PLD5: variants seen among roughly 807,000 people sequenced by gnomAD.
PLD5 encodes the protein inactive phospholipase D5.
A neutral mutation model predicts 61.1 loss-of-function variants in PLD5; 36 were observed. That is an observed-to-expected ratio of 0.59 (90% CI 0.45 to 0.78). PLD5 has a LOEUF of 0.78. Among genes scored for constraint, PLD5 ranks in the 30% least tolerant of loss-of-function variants. The pLI is 0.00. For synonymous variants in PLD5, 243 were observed against 242.8 expected, an observed-to-expected ratio of 1.00 and a Z score of -0.01; for missense variants, 515 against 644.4, an observed-to-expected ratio of 0.80 and a Z score of 2.17.
intron 4 of PLD5, among the ~76,000 whole-genome samples, chr1:242,221,933 C>T (rs1670616094): frequency 6.6e-6 from 1 of 152,176 alleles, no homozygotes; most frequent in Non-Finnish European, 1.5e-5. Context: ...TGACTTAAAA[C>T]AGCAGAAACT....
intron 1 of PLD5, among the ~76,000 whole-genome samples, chr1:242,508,320 C>T (rs1228544560): frequency 6.6e-6 from 1 of 151,912 alleles, no homozygotes; most frequent in Non-Finnish European, 1.5e-5. Context: ...CTGCAGTGAG[C>T]TGAGATCGTG....
At chr1:242,293,864 G>C (rs150233386) in intron 2 of PLD5, among the ~76,000 whole-genome samples, 130 of 152,248 alleles carry the variant, frequency 8.5e-4, no homozygotes, top group African/African-American at 3.0e-3. Context: ...TCTTATGCTA[G>C]AAAAGGTCTC....
chr1:242,261,626 T>C (rs1203239844), intron 4 of PLD5, among the ~76,000 whole-genome samples: 2 of 152,152 alleles, frequency 1.3e-5, no homozygotes, highest in Non-Finnish European at 2.9e-5. Flanking sequence ...AAATCTAGCC[T>C]AATAATCAAT....
At chr1:242,280,528 C>A (rs1166150497) in intron 3 of PLD5, among the ~76,000 whole-genome samples, 8 of 152,072 alleles carry the variant, frequency 5.3e-5, no homozygotes, top group East Asian at 1.9e-4. Flanking sequence ...TATGTATAAG[C>A]CCTCAGGATC....
chr1:242,432,143 G>A (rs1665754981), intron 1 of PLD5, among the ~76,000 whole-genome samples: 1 of 152,126 alleles, frequency 6.6e-6, no homozygotes, highest in African/African-American at 2.4e-5. Flanking sequence ...GTTTTACTGG[G>A]CACCCATTTA....
intron 5 of PLD5, among the ~76,000 whole-genome samples, chr1:242,187,307 G>A (rs1667969197): frequency 6.6e-6 from 1 of 152,160 alleles, no homozygotes; most frequent in African/African-American, 2.4e-5. Context: ...TTTTGACCAT[G>A]AGGCAACCAA....
chr1:242,324,281 A>C (rs1432471623), intron 2 of PLD5, among the ~76,000 whole-genome samples: 1 of 152,242 alleles, frequency 6.6e-6, no homozygotes, highest in Non-Finnish European at 1.5e-5. Flanking sequence ...AAAAAGCAAG[A>C]TGATTTCTTT....
chr1:242,300,377 G>A (rs1324035334), intron 2 of PLD5, among the ~76,000 whole-genome samples: 3 of 152,156 alleles, frequency 2.0e-5, no homozygotes, highest in Non-Finnish European at 4.4e-5. Flanking sequence ...CTGGGAGGCA[G>A]AGGTTACAGT....
intron 5 of PLD5, among the ~76,000 whole-genome samples, chr1:242,214,917 C>T (rs10803023): frequency 0.49 from 62,938 of 128,638 alleles, 14,701 homozygotes; most frequent in East Asian, 0.59. Context: ...TGCTCTGTTG[C>T]CCGGGCTGGA....
Position 242,107,905 on chromosome 1 carries a change from C to A in PLD5, c.1071-66G>T, listed in dbSNP as rs74153339. 2.0e-3 allele frequency: 2,744 copies of A among 1,391,404 alleles called. 41 individuals carry two copies. The African/African-American group carries it at 0.035, about 18-fold the overall frequency. 86.2% of individuals were successfully genotyped at this position (1,391,404 alleles called of 1,614,324 possible). On this transcript the variant is annotated intron_variant, in intron 7 of 9. Transcript: ENST00000536534. ...AGTTTGGGAAAAGAAATTTACTAGA[C>A]AGCATAGAACATTGATATTACTCAG...
intron 2 of PLD5, among the ~76,000 whole-genome samples, chr1:242,303,035 A>G (rs1232822763): frequency 6.6e-6 from 1 of 152,178 alleles, no homozygotes; most frequent in African/African-American, 2.4e-5. Context: ...TGATGAACTC[A>G]GCGCCTTAGA....
chr1:242,513,785 G>C (rs1669012807), intron 1 of PLD5, among the ~76,000 whole-genome samples: 1 of 152,146 alleles, frequency 6.6e-6, no homozygotes, highest in Non-Finnish European at 1.5e-5. Flanking sequence ...AATTTTCCCT[G>C]TTCATTCTTG....
At chr1:242,141,320 C>T (rs1664148478) in intron 5 of PLD5, among the ~76,000 whole-genome samples, 1 of 152,112 alleles carries the variant, frequency 6.6e-6, no homozygotes, top group South Asian at 2.1e-4. Flanking sequence ...TGCCAGGCTC[C>T]CGATGACATT....
At chr1:242,214,123 C>G (rs1408462404) in intron 5 of PLD5, among the ~76,000 whole-genome samples, 1 of 152,134 alleles carries the variant, frequency 6.6e-6, no homozygotes, top group Non-Finnish European at 1.5e-5. Context: ...TTATCTCGTA[C>G]TCCTGGGATC....
At chr1:242,264,216 T>G (rs1289171573) in intron 4 of PLD5, among the ~76,000 whole-genome samples, 1 of 152,230 alleles carries the variant, frequency 6.6e-6, no homozygotes, top group East Asian at 1.9e-4. Flanking sequence ...GCCACGTTGA[T>G]TGTATCTGTC....
In PLD5 at chr1:242,089,765, AAG is replaced by A; in HGVS notation, c.*87_*88del. The A allele has an allele frequency of 6.6e-7, 1 of 1,512,190 alleles. No individual in the cohort carries two copies. 93.7% of individuals were successfully genotyped at this position (1,512,190 alleles called of 1,614,324 possible). ...TATAAGTGTGCTTTTTCCCTAAAAA[AAG>A]AGACATATTAAAGTGTTTTTTCTCT... On this transcript the variant is annotated 3_prime_UTR_variant, in exon 10 of 10. Coordinates refer to ENST00000536534, the MANE Select transcript of PLD5 (RefSeq NM_001372062.1).
At position 242,406,579 on chromosome 1, in the gene PLD5, G is replaced by A. The variant is rs138262911; in HGVS notation, c.190-58337C>T. On this transcript the variant is annotated intron_variant, in intron 1 of 9. Transcript: ENST00000536534. ...AGGTTTCTTACTGACTACCAAGGAA[G>A]CTTTTGATAAACAAGCTAGGAAAAC... 1.3e-3 allele frequency among the ~76,000 whole-genome samples: 197 copies of A among 152,328 alleles called. 4 individuals carry two copies. The highest frequency in any genetic ancestry group is 4.4e-3 in the African/African-American group (182 of 41,564).
intron 3 of PLD5, among the ~76,000 whole-genome samples, chr1:242,275,054 C>CAT (rs1416986195): frequency 6.6e-6 from 1 of 150,970 alleles, no homozygotes; most frequent in Non-Finnish European, 1.5e-5. Flanking sequence ...TACTTACACA[C>CAT]ATATATATAT....
chr1:242,355,277 A>G (rs1660695855), intron 1 of PLD5, among the ~76,000 whole-genome samples: 1 of 152,044 alleles, frequency 6.6e-6, no homozygotes, highest in South Asian at 2.1e-4. Context: ...GAGACTTTTC[A>G]TTACTGGTTC....
Sources: gnomAD v4.1 joint callset for allele counts (sites outside exome capture counted in the v4.1 genomes callset) on GRCh38, gnomAD v4.1.1 for gene constraint, MANE v1.5 for transcripts, NCBI Gene and HGNC (gene_info 2026-07-23, HGNC 2026-07-21) for gene names.